The following MARCHF1 variants were observed in gnomAD, a reference collection of about 807,000 sequenced individuals.
MARCHF1 encodes the protein E3 ubiquitin-protein ligase MARCHF1.
Under a neutral mutation model 54.2 loss-of-function variants are expected in MARCHF1, and 40 were observed. The observed-to-expected ratio is 0.74, with a 90% CI of 0.57 to 0.96. The LOEUF (loss-of-function observed/expected upper bound fraction) is 0.96, where lower values mean the gene tolerates loss of function less well. Ranked by LOEUF, MARCHF1 falls within the 40% of genes least tolerant of loss-of-function variation. The probability of loss-of-function intolerance (pLI) is 0.00; values close to 1 mark genes in which losing one functional copy is unlikely to be tolerated. For synonymous variants in MARCHF1, 236 were observed against 236.3 expected (o/e 1.00, Z 0.01); for missense variants, 586 against 656.5 (o/e 0.89, Z 1.17).
intron 2 of MARCHF1, among the ~76,000 whole-genome samples, chr4:164,064,009 C>T (rs1440466120): frequency 1.3e-5 from 2 of 152,072 alleles, no homozygotes; most frequent in Non-Finnish European, 2.9e-5. Context: ...TGTTCTGTTC[C>T]ATTGGTCTGT....
At chr4:163,617,527 G>A (rs997898348) in intron 5 of MARCHF1, among the ~76,000 whole-genome samples, 3 of 151,754 alleles carry the variant, frequency 2.0e-5, no homozygotes, top group Admixed American at 6.6e-5. Flanking sequence ...GTAAAAATAA[G>A]AATTTTTAAA....
intron 1 of MARCHF1, among the ~76,000 whole-genome samples, chr4:164,118,449 AAAT>A (rs1324722582): frequency 1.3e-5 from 2 of 150,898 alleles, no homozygotes; most frequent in African/African-American, 4.8e-5. Flanking sequence ...ATAAACATAT[AAAT>A]AAACTGCAAA....
chr4:164,197,626 G>A, intron 1 of MARCHF1: 2 of 1,612,836 alleles, frequency 1.2e-6, no homozygotes, highest in Non-Finnish European at 1.7e-6. Flanking sequence ...GCCTTCATTC[G>A]ACCGACTGTT....
At position 163,537,175 on chromosome 4, in the gene MARCHF1, TGAGAG is replaced by T. The variant is rs548947517; in HGVS notation, c.1340-8134_1340-8130del. ...TGGAAAACTCACTTTAAGGACATCTTGAGAGGAGATGCTAAAATGGGGCTAAATGG... is the reference window on the plus strand; with the variant it reads ...TGGAAAACTCACTTTAAGGACATCTTGAGATGCTAAAATGGGGCTAAATGG... On this transcript the variant is annotated intron_variant, in intron 9 of 9. Coordinates refer to ENST00000514618, the MANE Select transcript of MARCHF1 (RefSeq NM_001394959.1). Among the ~76,000 whole-genome samples the T allele has an allele frequency of 1.5e-3, 224 of 152,294 alleles. 1 individual carries two copies. The highest frequency in any genetic ancestry group is 5.2e-3 in the African/African-American group (217 of 41,564).
At chr4:163,591,360 C>T (rs770025857) in intron 7 of MARCHF1, among the ~76,000 whole-genome samples, 1 of 151,920 alleles carries the variant, frequency 6.6e-6, no homozygotes, top group African/African-American at 2.4e-5. Context: ...ATTAAACAGC[C>T]CCTAGTTTTT....
intron 1 of MARCHF1, among the ~76,000 whole-genome samples, chr4:164,246,113 A>G (rs1237311798): frequency 1.5e-5 from 1 of 65,364 alleles, no homozygotes; most frequent in African/African-American, 4.6e-5. Context: ...TAAAGTTCAT[A>G]TGGAACCAAA....
intron 2 of MARCHF1, among the ~76,000 whole-genome samples, chr4:164,025,572 G>T (rs140267218): frequency 6.6e-6 from 1 of 151,720 alleles, no homozygotes; most frequent in East Asian, 1.9e-4. Flanking sequence ...TTTCTGGGAC[G>T]CAGATTAAGC....
At chr4:164,106,130 G>A (rs1286846694) in intron 2 of MARCHF1, among the ~76,000 whole-genome samples, 5 of 150,226 alleles carry the variant, frequency 3.3e-5, no homozygotes, top group South Asian at 4.2e-4. Flanking sequence ...GTGCTGGAGA[G>A]GATGTGGAGA....
At chr4:163,656,628 C>G (rs1168563984) in intron 5 of MARCHF1, among the ~76,000 whole-genome samples, 10 of 152,028 alleles carry the variant, frequency 6.6e-5, no homozygotes, top group Non-Finnish European at 1.3e-4. Flanking sequence ...GGCCAATATC[C>G]TTGATGAACA....
Position 164,350,839 on chromosome 4 carries a change from C to A in MARCHF1, c.-323+33031G>T, listed in dbSNP as rs560734878. Among the ~76,000 whole-genome samples the A allele has an allele frequency of 1.6e-4, 25 of 151,918 alleles. No individual in the cohort carries two copies. In the South Asian group the frequency reaches 4.6e-3, roughly 28 times the overall value. On this transcript the variant is annotated intron_variant, in intron 1 of 9. Transcript: ENST00000514618. ...CAGAAGATGGGTGATTTCTGCATTT[C>A]CATCTGAGGTACCGCATTCATCTCA...
chr4:163,877,511 G>T (rs1182005588), intron 3 of MARCHF1, among the ~76,000 whole-genome samples: 1 of 148,778 alleles, frequency 6.7e-6, no homozygotes, highest in Non-Finnish European at 1.5e-5. Flanking sequence ...AGAATCACTG[G>T]TCTACACTTT....
chr4:163,551,319 T>A (rs1739100474), intron 8 of MARCHF1, among the ~76,000 whole-genome samples: 1 of 152,230 alleles, frequency 6.6e-6, no homozygotes, highest in Non-Finnish European at 1.5e-5. Context: ...TCAAATACTC[T>A]GGGAGAGAAC....
At chr4:164,151,811 G>A (rs928711505) in intron 1 of MARCHF1, among the ~76,000 whole-genome samples, 6 of 151,992 alleles carry the variant, frequency 3.9e-5, no homozygotes, top group Non-Finnish European at 8.8e-5. Flanking sequence ...ATTGGCCAAC[G>A]TCCTAATTCC....
chr4:164,325,197 A>C (rs945690142), intron 1 of MARCHF1, among the ~76,000 whole-genome samples: 8 of 151,744 alleles, frequency 5.3e-5, no homozygotes, highest in African/African-American at 7.2e-5. Context: ...GTAATAATGA[A>C]AGATGCAGGT....
chr4:164,143,695 C>A (rs1729564627), intron 1 of MARCHF1, among the ~76,000 whole-genome samples: 1 of 152,170 alleles, frequency 6.6e-6, no homozygotes, highest in African/African-American at 2.4e-5. Flanking sequence ...AAAGGAACAA[C>A]CGATACCAGC....
intron 2 of MARCHF1, among the ~76,000 whole-genome samples, chr4:164,084,466 G>T (rs576261553): frequency 4.0e-5 from 6 of 151,880 alleles, no homozygotes; most frequent in South Asian, 4.1e-4. Flanking sequence ...AAAAGTAAAA[G>T]AATTTCCACA....
At chr4:164,084,067 C>G (rs1755150328) in intron 2 of MARCHF1, among the ~76,000 whole-genome samples, 1 of 151,924 alleles carries the variant, frequency 6.6e-6, no homozygotes, top group Non-Finnish European at 1.5e-5. Flanking sequence ...TATCTCATTG[C>G]ATAATCATTG....
rs1162397654 is a variant in MARCHF1, at chr4:163,884,543, G to C, written c.-38-30374C>G. 3.9e-5 allele frequency among the ~76,000 whole-genome samples: 6 copies of C among 152,160 alleles called. No homozygotes were observed. The East Asian group carries it at 1.2e-3, about 29-fold the overall frequency. ...TGGCTTCTCCTTCCCCTTGTTCCTA[G>C]TAACATTTAATGAAAGGCCCCAAGT... On this transcript the variant is annotated intron_variant, in intron 3 of 9. Coordinates refer to ENST00000514618, the MANE Select transcript of MARCHF1 (RefSeq NM_001394959.1).
intron 2 of MARCHF1, among the ~76,000 whole-genome samples, chr4:164,001,888 A>G (rs1753193017): frequency 6.6e-6 from 1 of 151,924 alleles, no homozygotes; most frequent in Non-Finnish European, 1.5e-5. Context: ...AAGGAAAAAA[A>G]TAACTACTTA....
Sources: gnomAD v4.1 joint callset for allele counts (sites outside exome capture counted in the v4.1 genomes callset) on GRCh38, gnomAD v4.1.1 for gene constraint, MANE v1.5 for transcripts, NCBI Gene and HGNC (gene_info 2026-07-23, HGNC 2026-07-21) for gene names.